SENP1: variants seen among roughly 807,000 people sequenced by gnomAD.
SENP1 encodes sentrin-specific protease 1.
Under a neutral mutation model 93.0 loss-of-function variants are expected in SENP1, and 21 were observed. The observed-to-expected ratio is 0.23, with a 90% CI of 0.16 to 0.33. The LOEUF is 0.33. Among genes scored for constraint, SENP1 ranks in the 10% least tolerant of loss-of-function variants. The pLI is 1.00. For synonymous variants in SENP1, 256 were observed against 259.6 expected (o/e 0.99, Z 0.13); for missense variants, 591 against 758.7 (o/e 0.78, Z 2.60).
chr12:48,053,370 T>C (rs1417373661), intron 13 of SENP1, among the ~76,000 whole-genome samples: 1 of 150,324 alleles, frequency 6.7e-6, no homozygotes, highest in Non-Finnish European at 1.5e-5. Flanking sequence ...CCCAGCTCCT[T>C]GGGAGGCTGA....
At chr12:48,089,159 T>G (rs1429882532) in intron 4 of SENP1, 199 bp from the exon 5 acceptor site, 4 of 1,557,490 alleles carry the variant, frequency 2.6e-6, no homozygotes, top group Non-Finnish European at 2.6e-6. Flanking sequence ...TCAGCCATAC[T>G]AACCTGAAAA....
At chr12:48,057,795 C>T (rs1942659437) in intron 13 of SENP1, among the ~76,000 whole-genome samples, 1 of 150,128 alleles carries the variant, frequency 6.7e-6, no homozygotes, top group Admixed American at 6.7e-5. Context: ...CAGAGTTTTG[C>T]CATGTTGGCC....
At chr12:48,077,864 G>A (rs1944208985) in intron 6 of SENP1, among the ~76,000 whole-genome samples, 1 of 152,082 alleles carries the variant, frequency 6.6e-6, no homozygotes, top group African/African-American at 2.4e-5. Flanking sequence ...AAATAAGCTA[G>A]TGTGGTAGCT....
chr12:48,065,031 T>C, intron 12 of SENP1, 34 bp downstream of exon 12: 2 of 1,412,466 alleles, frequency 1.4e-6, no homozygotes, highest in Non-Finnish European at 2.0e-6. Context: ...AACATGATAC[T>C]TAGTAGTGTA....
intron 13 of SENP1, among the ~76,000 whole-genome samples, chr12:48,050,715 C>T (rs981127403): frequency 1.3e-5 from 2 of 152,178 alleles, no homozygotes; most frequent in African/African-American, 4.8e-5. Flanking sequence ...CGAAGGCAGC[C>T]ATAAATGCAG....
At chr12:48,101,391 T>A in intron 2 of SENP1, 78 bp downstream of exon 2, 2 of 1,107,368 alleles carry the variant, frequency 1.8e-6, no homozygotes, top group Non-Finnish European at 2.7e-6. Context: ...ATACTGAAAA[T>A]GTTAGGAAAA....
At chr12:48,083,403 C>T (rs1944623142) in intron 6 of SENP1, among the ~76,000 whole-genome samples, 188 bp downstream of exon 6, 3 of 152,156 alleles carry the variant, frequency 2.0e-5, no homozygotes, top group Admixed American at 2.0e-4. Flanking sequence ...TAATGAAGTC[C>T]TGCTAAAACA....
intron 13 of SENP1, among the ~76,000 whole-genome samples, chr12:48,058,432 C>T (rs1942734629): frequency 6.6e-6 from 1 of 151,952 alleles, no homozygotes; most frequent in African/African-American, 2.4e-5. Flanking sequence ...TTCTTTCCAA[C>T]TCTTTTGTAT....
Position 48,063,699 on chromosome 12 carries a change from T to C in SENP1, c.1407+11A>G, listed in dbSNP as rs760209876. 1.9e-6 allele frequency: 3 copies of C among 1,602,134 alleles called. No individual in the cohort carries two copies. Among genetic ancestry groups the C allele is most frequent in the Non-Finnish European group, 2.6e-6 (3 of 1,173,780 alleles). ...TTTACTATTTGTATGTAAAAATAGATGCAACATTACCTCATCATTGAGCCA... is the reference window on the plus strand; with the variant it reads ...TTTACTATTTGTATGTAAAAATAGACGCAACATTACCTCATCATTGAGCCA... On this transcript the variant is annotated intron_variant, in intron 13 of 17. Coordinates refer to ENST00000549518, the MANE Select transcript of SENP1 (RefSeq NM_001267594.2).
intron 6 of SENP1, among the ~76,000 whole-genome samples, chr12:48,078,340 C>CACACAA: frequency 1.2e-5 from 1 of 84,154 alleles, no homozygotes; most frequent in South Asian, 4.5e-4. Context: ...TATATACACA[C>CACACAA]ACATATATAT....
chr12:48,081,256 T>C (rs949245175), intron 6 of SENP1: 1 of 152,096 alleles, frequency 6.6e-6, no homozygotes, highest in African/African-American at 2.4e-5. Flanking sequence ...TATTTATGCA[T>C]AAAATAATGT....
rs1941207255 is a variant in SENP1 at position 48,044,360 on chromosome 12, A to ATATATATATATATATATGTATGTG, written c.*961_*962insCACATACATATATATATATATATA. ...TCCCTGTGAAATTTTATACATACAT[A>ATATATATATATATATATGTATGTG]TATATATATATATATGTATGTGTAT... On this transcript the variant is annotated 3_prime_UTR_variant, in exon 18 of 18. Transcript: ENST00000549518. 3.0e-5 allele frequency: 1 copy of ATATATATATATATATATGTATGTG among 33,720 alleles called. No homozygotes were observed. Among genetic ancestry groups the ATATATATATATATATATGTATGTG allele is most frequent in the African/African-American group, 8.4e-5 (1 of 11,926 alleles). The allele number at this position is 33,720 out of a possible 1,614,324, so 2.1% of individuals were successfully genotyped here.
In SENP1 at chr12:48,065,006, G is replaced by A. The variant is rs1353982452; in HGVS notation, c.1275+59C>T. The A allele has an allele frequency of 2.6e-5, 32 of 1,245,946 alleles. No individual in the cohort carries two copies. The East Asian group carries it at 3.0e-4, about 12-fold the overall frequency. 77.2% of individuals were successfully genotyped at this position (1,245,946 alleles called of 1,614,324 possible). ...TTGCTTTTATGTTTGAAACTCATCC[G>A]AGGGATTCTTTCTAAACATGATACT... On this transcript the variant is annotated intron_variant, in intron 12 of 17. Coordinates refer to ENST00000549518, the MANE Select transcript of SENP1 (RefSeq NM_001267594.2).
At chr12:48,049,372 G>A (rs1941617023) in intron 13 of SENP1, among the ~76,000 whole-genome samples, 1 of 152,156 alleles carries the variant, frequency 6.6e-6, no homozygotes, top group Non-Finnish European at 1.5e-5. Context: ...GAGTACAAAT[G>A]GGCAGACGCT....
At chr12:48,093,453 T>G (rs1386302254) in intron 4 of SENP1, among the ~76,000 whole-genome samples, 3 of 151,952 alleles carry the variant, frequency 2.0e-5, no homozygotes, top group Non-Finnish European at 4.4e-5. Flanking sequence ...CCTGCTAATT[T>G]TTGTGTTTTT....
rs771710429 is a variant in SENP1 at position 48,046,467 on chromosome 12, C to CA, written c.1777-17dup. On this transcript the variant is annotated splice_polypyrimidine_tract_variant and intron_variant, in intron 16 of 17. Coordinates refer to ENST00000549518, the MANE Select transcript of SENP1 (RefSeq NM_001267594.2). ...GAGGAATCTCCTGGAAGACCAACAA[C>CA]AAAAAAAATGACATCTTTCCAAGCT... 7.7e-5 allele frequency: 118 copies of CA among 1,537,896 alleles called. No homozygotes were observed. Among genetic ancestry groups the CA allele is most frequent in the Admixed American group, 2.7e-4 (16 of 58,290 alleles).
At chr12:48,079,357 G>A (rs768408146) in intron 6 of SENP1, among the ~76,000 whole-genome samples, 29 of 151,886 alleles carry the variant, frequency 1.9e-4, no homozygotes, top group Non-Finnish European at 3.2e-4. Flanking sequence ...AAATTAGCCC[G>A]GCACGGTGCT....
At chr12:48,070,477 A>G (rs1943613321) in intron 9 of SENP1, among the ~76,000 whole-genome samples, 1 of 152,092 alleles carries the variant, frequency 6.6e-6, no homozygotes, top group Non-Finnish European at 1.5e-5. Flanking sequence ...GAGCATAGGG[A>G]CTTCACATTG....
rs1255760574 is a variant in SENP1, at chr12:48,066,912, C to G, written c.1034+15G>C. 4 of 1,541,592 alleles carry G rather than the reference C, an allele frequency of 2.6e-6. No individual in the cohort carries two copies. The highest frequency in any genetic ancestry group is 2.7e-5 in the African/African-American group (2 of 73,174). On this transcript the variant is annotated intron_variant, in intron 10 of 17. Coordinates refer to ENST00000549518, the MANE Select transcript of SENP1 (RefSeq NM_001267594.2). ...AACTGATTGAGAAGGAAAAATGATA[C>G]CAAAAATAACTTACAATTCTTTGAT...
Sources: allele counts gnomAD v4.1 joint callset (sites outside exome capture counted in the v4.1 genomes callset), GRCh38; gene constraint gnomAD v4.1.1; transcripts MANE v1.5; gene names NCBI Gene and HGNC (gene_info 2026-07-23, HGNC 2026-07-21).